The following KCTD1 variants were observed in gnomAD, a reference collection of about 807,000 sequenced individuals.
The protein encoded by KCTD1 is potassium channel tetramerization domain containing 1.
In KCTD1, 24 loss-of-function variants were observed where a neutral mutation model predicts 66.0. That is an observed-to-expected ratio of 0.36 (90% CI 0.26 to 0.51). The LOEUF (loss-of-function observed/expected upper bound fraction) is 0.51, where lower values mean the gene tolerates loss of function less well. KCTD1 is among the 20% of genes least tolerant of loss of function. The pLI, the probability that KCTD1 is intolerant of heterozygous loss-of-function variation, is 0.95. For missense variants in KCTD1, 943 were observed against 1,205.2 expected (o/e 0.78, Z 3.22); for synonymous variants, 511 against 517.2 (o/e 0.99, Z 0.16).
intron 1 of KCTD1, among the ~76,000 whole-genome samples, chr18:26,537,224 A>C (rs756532202): frequency 5.9e-5 from 9 of 152,220 alleles, no homozygotes; most frequent in African/African-American, 9.6e-5. Flanking sequence ...TCTGGAGTGA[A>C]AAAACAACAA....
chr18:26,550,617 C>T (rs1343251882), upstream of KCTD1, among the ~76,000 whole-genome samples: 1 of 146,990 alleles, frequency 6.8e-6, no homozygotes, highest in East Asian at 2.0e-4. This position sits in a 1 kb window ranked among gnomAD's most constrained non-coding sequence, Gnocchi z 5.4. Flanking sequence ...ACGCTCTCAT[C>T]CGCCCGGCTC....
intron 1 of KCTD1, among the ~76,000 whole-genome samples, chr18:26,598,736 C>G (rs527725617): frequency 4.6e-5 from 7 of 152,174 alleles, no homozygotes; most frequent in Admixed American, 1.3e-4. Flanking sequence ...TTGCATTTCC[C>G]TAATGACTAA....
At chr18:26,541,394 G>C (rs777341252) in intron 1 of KCTD1, among the ~76,000 whole-genome samples, 3 of 152,164 alleles carry the variant, frequency 2.0e-5, no homozygotes, top group Non-Finnish European at 4.4e-5. Context: ...TTTCACTTAC[G>C]ATACTGTAAG....
At chr18:26,599,437 T>C in intron 1 of KCTD1, 1 of 1,611,982 alleles carries the variant, frequency 6.2e-7, no homozygotes, top group East Asian at 2.2e-5. Context: ...GCTGGCCAGT[T>C]TGTGGCAGTG....
At chr18:26,651,184 G>A (rs1988024986) in intron 1 of KCTD1, among the ~76,000 whole-genome samples, 1 of 152,230 alleles carries the variant, frequency 6.6e-6, no homozygotes, top group Non-Finnish European at 1.5e-5. Flanking sequence ...GGGGCGAAGA[G>A]AGAACAGGAG....
intron 1 of KCTD1, chr18:26,599,737 A>G: frequency 1.3e-6 from 2 of 1,568,424 alleles, no homozygotes; most frequent in South Asian, 2.2e-5. Flanking sequence ...AAGTGAAGAC[A>G]GCATCTAAGC....
chr18:26,528,120 G>A (rs1598919491), intron 1 of KCTD1, among the ~76,000 whole-genome samples: 1 of 152,142 alleles, frequency 6.6e-6, no homozygotes, highest in East Asian at 1.9e-4. Flanking sequence ...TTTCTAGACG[G>A]TGCTCTTATT....
rs551555710 is a variant in KCTD1 at position 26,621,788 on chromosome 18, G to T, written c.-16+7359C>A. Among the ~76,000 whole-genome samples, 4 of 152,328 alleles carry T rather than the reference G, an allele frequency of 2.6e-5. No individual in the cohort carries two copies. The East Asian group carries it at 7.7e-4, about 29-fold the overall frequency. The stretch of plus-strand genomic sequence containing the variant: ...AACCCTTCTTTCACAGTGTCATCAT[G>T]CATTCCAGAAAACACATTTTTTGTT... On this transcript the variant is annotated intron_variant, in intron 1 of 4. Transcript: ENST00000317932.
chr18:26,535,757 T>G lies in KCTD1; in HGVS notation c.1809+10971A>C, dbSNP rs535687940. Among the ~76,000 whole-genome samples, 3 of 152,298 alleles carry G rather than the reference T, an allele frequency of 2.0e-5. No individual in the cohort carries two copies. The South Asian group carries it at 6.2e-4, about 32-fold the overall frequency. ...AGGTACAGCTTTAAAAGTACCAGTG[T>G]AGAAGTGGCCTGGAGCTGGAACCAG... On this transcript the variant is annotated intron_variant, in intron 1 of 4. Transcript: ENST00000580059.
At position 26,627,185 on chromosome 18, in the gene KCTD1, C is replaced by T. The variant is rs138633878; in HGVS notation, c.-16+1962G>A. ...AGTAGCTCCCATGTACTGTCTTCTA[C>T]AGCTTTTGATTTTTTTCTTATGATT... On this transcript the variant is annotated intron_variant, in intron 1 of 4. Coordinates refer to the KCTD1 transcript ENST00000317932. 3.0e-4 allele frequency among the ~76,000 whole-genome samples: 46 copies of T among 151,892 alleles called. 1 individual carries two copies. Among genetic ancestry groups the T allele is most frequent in the African/African-American group, 1.0e-3 (43 of 41,338 alleles).
In KCTD1 at chr18:26,455,484, CTTT is replaced by C; in HGVS notation, c.*256_*258del. 5.6e-6 allele frequency: 1 copy of C among 180,044 alleles called. No individual in the cohort carries two copies. The highest frequency in any genetic ancestry group is 1.1e-5 in the Non-Finnish European group (1 of 92,686). The allele number at this position is 180,044 out of a possible 1,614,324, so 11.2% of individuals were successfully genotyped here. A position where few individuals can be genotyped will look rare whatever the true frequency, so the allele number is the denominator to read the frequency against. ...TCACAGCACCAACTGCGGCTGTCACCTTTTTTTTTTTTCTTTTTTGCATTTCCT... is the reference window on the plus strand; with the variant it reads ...TCACAGCACCAACTGCGGCTGTCACCTTTTTTTTTCTTTTTTGCATTTCCT... On this transcript the variant is annotated 3_prime_UTR_variant, in exon 5 of 5. Transcript: ENST00000580059.
intron 1 of KCTD1, among the ~76,000 whole-genome samples, chr18:26,505,229 C>A (rs1041157314): frequency 2.0e-5 from 3 of 152,246 alleles, no homozygotes; most frequent in Admixed American, 1.3e-4. Flanking sequence ...AGCCTTCTGT[C>A]GTTCATCATC....
chr18:26,550,058 GTGTACCCTGGC>G, upstream of KCTD1, among the ~76,000 whole-genome samples: 1 of 152,146 alleles, frequency 6.6e-6, no homozygotes, highest in Non-Finnish European at 1.5e-5. The surrounding 1 kb of genome is among the most constrained non-coding windows in gnomAD (Gnocchi z 5.4). Flanking sequence ...CGCAGCCCGT[GTGTACCCTGGC>G]GCGCGGGCCA....
chr18:26,601,083 G>A (rs950053590), intron 1 of KCTD1, among the ~76,000 whole-genome samples: 1 of 152,050 alleles, frequency 6.6e-6, no homozygotes, highest in Non-Finnish European at 1.5e-5. Context: ...CACAAATGGG[G>A]CTAGTCCTAC....
chr18:26,578,504 A>AT (rs1335321276), intron 1 of KCTD1, among the ~76,000 whole-genome samples: 2 of 152,234 alleles, frequency 1.3e-5, no homozygotes, highest in East Asian at 1.9e-4. Flanking sequence ...CATCTTACTC[A>AT]TTTTTTTAAT....
chr18:26,550,569 C>CACACAG (rs1985520498), upstream of KCTD1, among the ~76,000 whole-genome samples: 1 of 124,170 alleles, frequency 8.1e-6, no homozygotes, highest in Non-Finnish European at 1.7e-5. This position sits in a 1 kb window ranked among gnomAD's most constrained non-coding sequence, Gnocchi z 5.4. Flanking sequence ...CACACAGACA[C>CACACAG]ACACACACAC....
intron 1 of KCTD1, among the ~76,000 whole-genome samples, chr18:26,620,348 TAAAAAAAAAAAAAAA>T (rs10594272): frequency 0.019 from 1,632 of 87,150 alleles, 28 homozygotes; most frequent in African/African-American, 0.067. Context: ...AGGTAAATCT[TAAAAAAAAAAAAAAA>T]AAAAAAAAAA....
Position 26,546,735 on chromosome 18 carries a change from G to C in KCTD1, c.1802C>G (p.Pro601Arg). The C allele has an allele frequency of 6.5e-7, 1 of 1,547,568 alleles. No homozygotes were observed. Among genetic ancestry groups the C allele is most frequent in the South Asian group, 1.2e-5 (1 of 83,158 alleles). Residue 601 changes from proline to arginine, a missense_variant, in exon 1 of 5, where the codon CCC becomes CGC. Transcript: ENST00000580059. ...PTIVSPAIVSPTQDSRPNMSR... is the reference protein window; with the variant it reads ...PTIVSPAIVSRTQDSRPNMSR... Reference sequence around the variant, plus strand: ...AGAGTTTGGTTTGGTTACCTGGGTGGGGGAAACAATAGCAGGTGAAACTAT... The same window carrying C: ...AGAGTTTGGTTTGGTTACCTGGGTGCGGGAAACAATAGCAGGTGAAACTAT...
At chr18:26,510,178 A>G (rs1054114819) in intron 1 of KCTD1, among the ~76,000 whole-genome samples, 7 of 152,230 alleles carry the variant, frequency 4.6e-5, no homozygotes, top group African/African-American at 7.2e-5. Context: ...GATGTAACAC[A>G]GTATTACATT....
Sources: allele counts gnomAD v4.1 joint callset (sites outside exome capture counted in the v4.1 genomes callset), GRCh38; gene constraint gnomAD v4.1.1; non-coding constraint Gnocchi (gnomAD v3.1); transcripts MANE v1.5; gene names NCBI Gene and HGNC (gene_info 2026-07-23, HGNC 2026-07-21).